AGBL4: variants seen among roughly 807,000 people sequenced by gnomAD.
The protein encoded by AGBL4 is AGBL carboxypeptidase 4.
Under a neutral mutation model 66.4 loss-of-function variants are expected in AGBL4, and 58 were observed. The ratio of observed to expected loss-of-function variants is 0.87; its 90% CI spans 0.71 to 1.09. AGBL4 has a LOEUF of 1.09. Ranked by LOEUF, AGBL4 falls within the 50% of genes least tolerant of loss-of-function variation. The pLI, the probability that AGBL4 is intolerant of heterozygous loss-of-function variation, is 0.00. For synonymous variants in AGBL4, 234 were observed against 222.9 expected (o/e 1.05, Z -0.44); for missense variants, 579 against 631.0 (o/e 0.92, Z 0.88).
At position 48,995,952 on chromosome 1, in the gene AGBL4, C is replaced by T. The variant is rs76610102; in HGVS notation, c.594+49632G>A. 5.2e-3 allele frequency among the ~76,000 whole-genome samples: 790 copies of T among 152,208 alleles called. 3 individuals are homozygous for T. The highest frequency in any genetic ancestry group is 0.014 in the Middle Eastern group (4 of 294). Reference sequence around the variant, plus strand: ...CAAGAAGTAGGGAGACCAGTCAAGGCTATTTCAGCAGTCCAAACATATAAT... The same window carrying T: ...CAAGAAGTAGGGAGACCAGTCAAGGTTATTTCAGCAGTCCAAACATATAAT... On this transcript the variant is annotated intron_variant, in intron 5 of 13. Transcript: ENST00000371839.
chr1:48,587,713 G>A (rs191708318), intron 10 of AGBL4, among the ~76,000 whole-genome samples: 98 of 151,438 alleles, frequency 6.5e-4, no homozygotes, highest in Admixed American at 3.6e-3. Context: ...CGCGATCTTG[G>A]CTCACTGCAA....
chr1:49,101,573 A>C (rs185120302), intron 4 of AGBL4, among the ~76,000 whole-genome samples: 27 of 152,312 alleles, frequency 1.8e-4, no homozygotes, highest in African/African-American at 6.0e-4. Context: ...ATAATGACTA[A>C]CAGCATGAAT....
intron 4 of AGBL4, among the ~76,000 whole-genome samples, chr1:49,121,081 C>G (rs1645643413): frequency 6.6e-6 from 1 of 152,140 alleles, no homozygotes. Flanking sequence ...CTTCTATATA[C>G]TGTTTATTCT....
chr1:48,820,028 T>C (rs1646276002), intron 6 of AGBL4, among the ~76,000 whole-genome samples: 2 of 152,222 alleles, frequency 1.3e-5, no homozygotes, highest in Admixed American at 6.5e-5. Flanking sequence ...TCATGCTGAT[T>C]GTCTAATTCA....
At chr1:48,868,921 G>A (rs1265480983) in intron 5 of AGBL4, among the ~76,000 whole-genome samples, 1 of 152,156 alleles carries the variant, frequency 6.6e-6, no homozygotes, top group Non-Finnish European at 1.5e-5. Flanking sequence ...AGTTTGGAGA[G>A]CTGATGAAGA....
intron 3 of AGBL4, among the ~76,000 whole-genome samples, chr1:49,575,450 C>A (rs976864600): frequency 6.6e-6 from 1 of 152,130 alleles, no homozygotes; most frequent in Admixed American, 6.6e-5. Flanking sequence ...CTGCCTCTAC[C>A]TAGAAAAAAT....
intron 5 of AGBL4, among the ~76,000 whole-genome samples, chr1:48,929,616 A>G (rs1159510805): frequency 6.6e-6 from 1 of 152,136 alleles, no homozygotes; most frequent in Non-Finnish European, 1.5e-5. Context: ...TATAAACTCC[A>G]TTGAAGGCAG....
chr1:48,998,984 C>A (rs987889192), intron 5 of AGBL4, among the ~76,000 whole-genome samples: 4 of 152,164 alleles, frequency 2.6e-5, no homozygotes, highest in African/African-American at 4.8e-5. Flanking sequence ...AACAGATGCA[C>A]AAGTAGGACC....
chr1:49,646,531 T>G lies in AGBL4; in HGVS notation c.282+50782A>C, dbSNP rs542043011. On this transcript the variant is annotated intron_variant, in intron 3 of 13. Coordinates refer to ENST00000371839, the MANE Select transcript of AGBL4 (RefSeq NM_032785.4). ...ACTGCAAAACACCTCTTGGAAAAATTTTAAGTCCTAAATAGAGAAATACAT... is the reference window on the plus strand; with the variant it reads ...ACTGCAAAACACCTCTTGGAAAAATGTTAAGTCCTAAATAGAGAAATACAT... Among the ~76,000 whole-genome samples the G allele has an allele frequency of 2.6e-5, 4 of 151,970 alleles. No individual in the cohort carries two copies. The East Asian group carries it at 7.7e-4, about 29-fold the overall frequency.
At chr1:49,172,670 A>G (rs1366567870) in intron 4 of AGBL4, among the ~76,000 whole-genome samples, 1 of 152,196 alleles carries the variant, frequency 6.6e-6, no homozygotes, top group East Asian at 1.9e-4. Context: ...TAGATGAAGC[A>G]CAGGGTACAC....
intron 5 of AGBL4, among the ~76,000 whole-genome samples, chr1:48,921,844 A>G (rs1262639285): frequency 6.6e-6 from 1 of 152,218 alleles, no homozygotes; most frequent in Non-Finnish European, 1.5e-5. Flanking sequence ...AAAATCAGCT[A>G]TTCCAGTTGT....
intron 6 of AGBL4, among the ~76,000 whole-genome samples, chr1:48,728,936 G>A (rs1647647321): frequency 6.6e-6 from 1 of 152,178 alleles, no homozygotes; most frequent in Non-Finnish European, 1.5e-5. Flanking sequence ...ATGAGGCTCA[G>A]TACGGCCACT....
intron 4 of AGBL4, among the ~76,000 whole-genome samples, chr1:49,180,716 G>A (rs1646915831): frequency 6.6e-6 from 1 of 152,188 alleles, no homozygotes; most frequent in African/African-American, 2.4e-5. Context: ...CAAGGAGCCA[G>A]ACAGAATCTG....
rs751477076 is a variant in AGBL4 at position 49,459,010 on chromosome 1, CTCCTTCCT to C, written c.283-213154_283-213147del. On this transcript the variant is annotated intron_variant, in intron 3 of 13. Coordinates refer to ENST00000371839, the MANE Select transcript of AGBL4 (RefSeq NM_032785.4). ...AATCTATGTTCATCAGGGATATTGG[CTCCTTCCT>C]TCCTTCCTTCCTCTTTTCTTTCTTT... Among the ~76,000 whole-genome samples the C allele has an allele frequency of 2.7e-5, 4 of 149,938 alleles. No individual in the cohort carries two copies. In the East Asian group the frequency reaches 5.9e-4, roughly 22 times the overall value.
chr1:49,775,433 A>T (rs896294208), intron 2 of AGBL4, among the ~76,000 whole-genome samples: 1 of 152,174 alleles, frequency 6.6e-6, no homozygotes, highest in Non-Finnish European at 1.5e-5. Flanking sequence ...CAAAATAGTT[A>T]TATAAATGTG....
chr1:49,770,918 C>T (rs1229642788), intron 2 of AGBL4, among the ~76,000 whole-genome samples: 2 of 151,980 alleles, frequency 1.3e-5, no homozygotes, highest in African/African-American at 4.8e-5. Context: ...CTTAGTTAAT[C>T]TAACATTTTG....
chr1:48,845,413 T>G (rs975672282), intron 6 of AGBL4, among the ~76,000 whole-genome samples: 2 of 152,208 alleles, frequency 1.3e-5, no homozygotes, highest in African/African-American at 4.8e-5. Flanking sequence ...GAATGCGGTA[T>G]GAATGCACCT....
intron 3 of AGBL4, among the ~76,000 whole-genome samples, chr1:49,671,845 G>A (rs1646482534): frequency 1.3e-5 from 2 of 152,066 alleles, no homozygotes; most frequent in South Asian, 4.2e-4. Flanking sequence ...ACAGATATTG[G>A]TGAGGTTGCA....
At chr1:48,578,353 T>C (rs955784836) in intron 11 of AGBL4, among the ~76,000 whole-genome samples, 1 of 152,156 alleles carries the variant, frequency 6.6e-6, no homozygotes, top group Non-Finnish European at 1.5e-5. Flanking sequence ...GGATTCATAT[T>C]TAAAGATCAA....
Sources: gnomAD v4.1 joint callset for allele counts (sites outside exome capture counted in the v4.1 genomes callset) on GRCh38, gnomAD v4.1.1 for gene constraint, MANE v1.5 for transcripts, NCBI Gene and HGNC (gene_info 2026-07-23, HGNC 2026-07-21) for gene names.